Variants in PRKN observed in about 807,000 individuals in gnomAD.
The protein encoded by PRKN is E3 ubiquitin-protein ligase parkin.
Under a neutral mutation model 59.5 loss-of-function variants are expected in PRKN, and 56 were observed. The ratio of observed to expected loss-of-function variants is 0.94; its 90% CI spans 0.76 to 1.18. PRKN has a LOEUF of 1.18. Among genes scored for constraint, PRKN ranks in the 50% most tolerant of loss-of-function variants. The pLI is 0.00. For synonymous variants in PRKN, 250 were observed against 222.1 expected (o/e 1.13, Z -1.12); for missense variants, 657 against 596.4 (o/e 1.10, Z -1.06).
intron 2 of PRKN, among the ~76,000 whole-genome samples, chr6:162,333,721 A>C (rs1018019121): frequency 6.6e-6 from 1 of 152,134 alleles, no homozygotes; most frequent in Non-Finnish European, 1.5e-5. Context: ...ACGGCATCTA[A>C]ATGTTCAAGC....
intron 2 of PRKN, among the ~76,000 whole-genome samples, chr6:162,382,094 G>A (rs1786521802): frequency 6.6e-6 from 1 of 152,020 alleles, no homozygotes; most frequent in Admixed American, 6.6e-5. Context: ...ATTAAAACTA[G>A]ATTTTTATTT....
chr6:162,336,236 T>C (rs1294618730), intron 2 of PRKN, among the ~76,000 whole-genome samples: 4 of 152,150 alleles, frequency 2.6e-5, no homozygotes, highest in African/African-American at 9.7e-5. Context: ...ATGTATACAA[T>C]GTATACAAGT....
chr6:162,160,890 CAAAAAAAAAAA>C (rs56320816), intron 4 of PRKN, among the ~76,000 whole-genome samples: 7 of 80,274 alleles, frequency 8.7e-5, no homozygotes, highest in African/African-American at 1.6e-4. Flanking sequence ...GACTCCGTCT[CAAAAAAAAAAA>C]AAAAAAAAAA....
intron 6 of PRKN, among the ~76,000 whole-genome samples, chr6:161,969,472 G>T (rs1780717647): frequency 6.6e-6 from 1 of 151,980 alleles, no homozygotes; most frequent in Non-Finnish European, 1.5e-5. Context: ...TAGTACCTGG[G>T]ATTTCAGCTG....
At chr6:161,734,019 G>A in intron 7 of PRKN, among the ~76,000 whole-genome samples, 1 of 138,648 alleles carries the variant, frequency 7.2e-6, no homozygotes, top group Non-Finnish European at 1.6e-5. Flanking sequence ...TTTGCTAATG[G>A]AAAAAAGAAC....
chr6:162,717,581 A>G (rs956250284), intron 1 of PRKN, among the ~76,000 whole-genome samples: 1 of 151,862 alleles, frequency 6.6e-6, no homozygotes, highest in African/African-American at 2.4e-5. Context: ...AAAAAAAAAA[A>G]AAAAGTCATT....
chr6:162,112,814 A>T (rs1328457760), intron 4 of PRKN, among the ~76,000 whole-genome samples: 1 of 151,690 alleles, frequency 6.6e-6, no homozygotes, highest in Non-Finnish European at 1.5e-5. Context: ...CGTGGTTTAC[A>T]CCTGTGGTGC....
chr6:161,898,915 G>A (rs147948672), intron 6 of PRKN, among the ~76,000 whole-genome samples: 81 of 152,294 alleles, frequency 5.3e-4, no homozygotes, highest in Middle Eastern at 6.8e-3. Context: ...TAAAAGGCCC[G>A]GAACGCTTAT....
At chr6:162,250,925 T>C (rs950439759) in intron 3 of PRKN, among the ~76,000 whole-genome samples, 5 of 152,184 alleles carry the variant, frequency 3.3e-5, no homozygotes, top group African/African-American at 1.2e-4. Flanking sequence ...TTATGACTTG[T>C]TAAGTCTTCA....
rs147794745 is a variant in PRKN, at chr6:162,278,594, A to T, written c.172-15829T>A. On this transcript the variant is annotated intron_variant, in intron 2 of 11. Transcript: ENST00000366898. ...TATGATGTGAACCTAAAACTGCTAA[A>T]AAATAAATAAATAAAGGCTTAAAAA... Among the ~76,000 whole-genome samples, 273 of 152,252 alleles carry T rather than the reference A, an allele frequency of 1.8e-3. 6 individuals carry two copies. The East Asian group carries it at 0.025, about 14-fold the overall frequency.
chr6:162,586,791 T>C (rs1229496566), intron 1 of PRKN, among the ~76,000 whole-genome samples: 3 of 152,138 alleles, frequency 2.0e-5, no homozygotes, highest in Admixed American at 1.3e-4. Context: ...AGAGACAGAA[T>C]AAATTAGGCC....
intron 2 of PRKN, among the ~76,000 whole-genome samples, chr6:162,276,546 T>C (rs1341499282): frequency 6.6e-6 from 1 of 152,204 alleles, no homozygotes; most frequent in Non-Finnish European, 1.5e-5. Flanking sequence ...GTTTTATAAT[T>C]ATGGAAAATA....
intron 7 of PRKN, among the ~76,000 whole-genome samples, chr6:161,737,692 C>A (rs1788021523): frequency 6.6e-6 from 1 of 152,128 alleles, no homozygotes; most frequent in African/African-American, 2.4e-5. Flanking sequence ...GGGCCTTGGA[C>A]TGTAAAGCAA....
At chr6:161,594,753 GT>G (rs1562548370) in intron 7 of PRKN, among the ~76,000 whole-genome samples, 2 of 151,954 alleles carry the variant, frequency 1.3e-5, no homozygotes, top group Non-Finnish European at 2.9e-5. Context: ...AAAAACACTG[GT>G]TTTTTTATAT....
intron 1 of PRKN, among the ~76,000 whole-genome samples, chr6:162,611,169 T>C (rs542402157): frequency 1.4e-4 from 21 of 152,288 alleles, no homozygotes; most frequent in Admixed American, 1.0e-3. Flanking sequence ...GTACCATATA[T>C]AGAATTAATA....
chr6:161,946,328 A>C (rs1398275296), intron 6 of PRKN, among the ~76,000 whole-genome samples: 1 of 151,268 alleles, frequency 6.6e-6, no homozygotes, highest in Non-Finnish European at 1.5e-5. Context: ...TTGGCTTAGA[A>C]TCTTTAGGAG....
At chr6:161,675,998 C>T (rs1785071512) in intron 7 of PRKN, among the ~76,000 whole-genome samples, 1 of 152,210 alleles carries the variant, frequency 6.6e-6, no homozygotes, top group African/African-American at 2.4e-5. Flanking sequence ...TTATCTTTTC[C>T]TTCCAGTTTC....
chr6:161,495,071 T>C (rs1777697324), intron 9 of PRKN, among the ~76,000 whole-genome samples: 5 of 152,230 alleles, frequency 3.3e-5, no homozygotes. Flanking sequence ...ATTTTGATAA[T>C]ATATTTTATT....
rs917794183 is a variant in PRKN at position 162,516,988 on chromosome 6, A to T, written c.8-73515T>A. ...GGCAGAAGTGTAAATAAATGGATAA[A>T]AGAGAATGTCCTATGGTGGAAATGC... On this transcript the variant is annotated intron_variant, in intron 1 of 11. Transcript: ENST00000366898. 4.6e-5 allele frequency among the ~76,000 whole-genome samples: 7 copies of T among 152,018 alleles called. No homozygotes were observed. In the South Asian group the frequency reaches 1.5e-3, roughly 32 times the overall value.
Sources: allele counts gnomAD v4.1 joint callset (sites outside exome capture counted in the v4.1 genomes callset), GRCh38; gene constraint gnomAD v4.1.1; transcripts MANE v1.5; gene names NCBI Gene and HGNC (gene_info 2026-07-23, HGNC 2026-07-21).